The following GTF2F2 variants were observed in gnomAD, a reference collection of about 807,000 sequenced individuals.
The protein encoded by GTF2F2 is ATP-dependent helicase GTF2F2.
GTF2F2 carries 23 observed loss-of-function variants against 42.2 expected under a neutral mutation model. That is an observed-to-expected ratio of 0.55 (90% CI 0.39 to 0.77). The LOEUF (loss-of-function observed/expected upper bound fraction) is 0.77, where lower values mean the gene tolerates loss of function less well. Among genes scored for constraint, GTF2F2 ranks in the 30% least tolerant of loss-of-function variants. The pLI is 0.00. For missense variants in GTF2F2, 261 were observed against 287.2 expected (o/e 0.91, Z 0.66); for synonymous variants, 105 against 100.8 (o/e 1.04, Z -0.25).
intron 5 of GTF2F2, among the ~76,000 whole-genome samples, chr13:45,236,572 C>A (rs1875001887): frequency 6.6e-6 from 1 of 150,478 alleles, no homozygotes; most frequent in Non-Finnish European, 1.5e-5. Flanking sequence ...GTATAAAAAT[C>A]TAATCTTTTG....
intron 6 of GTF2F2, chr13:45,263,997 C>G (rs970210489): frequency 6.6e-6 from 1 of 152,392 alleles, no homozygotes; most frequent in Non-Finnish European, 1.5e-5. Flanking sequence ...CTATGAAACA[C>G]GAATATCTAG....
intron 6 of GTF2F2, among the ~76,000 whole-genome samples, chr13:45,254,904 C>T (rs1427748063): frequency 2.6e-5 from 4 of 152,042 alleles, no homozygotes; most frequent in African/African-American, 4.8e-5. Flanking sequence ...CGGTGGCTCA[C>T]GCCTGTAATC....
chr13:45,132,151 T>C (rs1869389814), intron 1 of GTF2F2, among the ~76,000 whole-genome samples: 1 of 152,220 alleles, frequency 6.6e-6, no homozygotes, highest in Non-Finnish European at 1.5e-5. Flanking sequence ...TATTGGTATA[T>C]AACCTATTAC....
At chr13:45,184,161 C>T (rs73181597) in intron 4 of GTF2F2, among the ~76,000 whole-genome samples, 6 of 152,206 alleles carry the variant, frequency 3.9e-5, no homozygotes, top group Non-Finnish European at 5.9e-5. Context: ...GGCTCATTCA[C>T]ATACTTTCCC....
At chr13:45,283,007 C>T (rs2138282955) in intron 7 of GTF2F2, among the ~76,000 whole-genome samples, 1 of 152,186 alleles carries the variant, frequency 6.6e-6, no homozygotes, top group South Asian at 2.1e-4. Flanking sequence ...AAAAATGTTG[C>T]TCATTTTTTT....
chr13:45,180,366 G>C (rs186747544), intron 4 of GTF2F2, among the ~76,000 whole-genome samples: 51 of 152,140 alleles, frequency 3.4e-4, no homozygotes, highest in African/African-American at 1.1e-3. Flanking sequence ...TAGAATTTTA[G>C]TCTATACTAT....
At chr13:45,174,636 T>TTTC (rs201857288) in intron 4 of GTF2F2, among the ~76,000 whole-genome samples, 21,326 of 135,508 alleles carry the variant, frequency 0.16, 1,378 homozygotes, top group Non-Finnish European at 0.21. Flanking sequence ...TCTTTTTTCT[T>TTTC]TTTTTTTTTT....
In GTF2F2 at chr13:45,132,982, G is replaced by A. The variant is rs553120631; in HGVS notation, c.67-3751G>A. 6.6e-5 allele frequency among the ~76,000 whole-genome samples: 10 copies of A among 152,264 alleles called. No individual in the cohort carries two copies. The South Asian group carries it at 1.0e-3, about 16-fold the overall frequency. ...TGTATTTAATGTGAGACCAGCTAGCGTGATCGAGAGCTTTCCTTCAGCTGC... is the reference window on the plus strand; with the variant it reads ...TGTATTTAATGTGAGACCAGCTAGCATGATCGAGAGCTTTCCTTCAGCTGC... On this transcript the variant is annotated intron_variant, in intron 1 of 7. Transcript: ENST00000340473.
chr13:45,199,552 T>C (rs1873073753), intron 4 of GTF2F2, among the ~76,000 whole-genome samples: 1 of 152,206 alleles, frequency 6.6e-6, no homozygotes, highest in African/African-American at 2.4e-5. Flanking sequence ...TGCGTTATTA[T>C]TTACTGGAAA....
intron 4 of GTF2F2, chr13:45,194,477 T>G: frequency 6.2e-7 from 1 of 1,614,202 alleles, no homozygotes; most frequent in Non-Finnish European, 8.5e-7. Flanking sequence ...AGTGTGGATT[T>G]GCAGTTCTTT....
At chr13:45,253,051 C>T in intron 6 of GTF2F2, 81 bp downstream of exon 6, 1 of 596,846 alleles carries the variant, frequency 1.7e-6, no homozygotes, top group Non-Finnish European at 2.8e-6. Flanking sequence ...TTCCAAAGAA[C>T]CTGAGAATTT....
At chr13:45,219,025 G>GT (rs1388567611) in intron 5 of GTF2F2, among the ~76,000 whole-genome samples, 1 of 151,502 alleles carries the variant, frequency 6.6e-6, no homozygotes, top group Non-Finnish European at 1.5e-5. Context: ...GGGTTTTTTT[G>GT]TTTTGTTTTG....
intron 5 of GTF2F2, among the ~76,000 whole-genome samples, chr13:45,239,319 A>T (rs879525493): frequency 6.6e-6 from 1 of 152,236 alleles, no homozygotes; most frequent in Non-Finnish European, 1.5e-5. Context: ...AAGTTAAGAT[A>T]TTTATATTTT....
At chr13:45,207,005 A>AACACACAC (rs10547539) in intron 4 of GTF2F2, 7,432 of 139,202 alleles carry the variant, frequency 0.053, 236 homozygotes, top group African/African-American at 0.078. Flanking sequence ...CACATACACA[A>AACACACAC]ACACACACAC....
intron 5 of GTF2F2, among the ~76,000 whole-genome samples, chr13:45,217,282 A>G (rs563203395): frequency 7.2e-6 from 1 of 139,840 alleles, no homozygotes; most frequent in South Asian, 2.3e-4. Flanking sequence ...TAGGTGACAG[A>G]GCGAGACTCC....
chr13:45,149,906 T>A, intron 3 of GTF2F2, 118 bp downstream of exon 3: 1 of 928,968 alleles, frequency 1.1e-6, no homozygotes, highest in Non-Finnish European at 1.5e-6. Flanking sequence ...GGCTGATGGT[T>A]AAGAACACAT....
intron 6 of GTF2F2, among the ~76,000 whole-genome samples, chr13:45,256,897 T>G (rs944362266): frequency 4.6e-5 from 7 of 152,162 alleles, no homozygotes; most frequent in African/African-American, 1.7e-4. Flanking sequence ...CAGTTGAGCT[T>G]CTTTGAATGC....
At chr13:45,212,463 C>CTTTTCTTTTCTTTTCTTTTCTTT (rs376424917) in intron 5 of GTF2F2, among the ~76,000 whole-genome samples, 10 of 27,486 alleles carry the variant, frequency 3.6e-4, no homozygotes, top group Non-Finnish European at 6.1e-4. Context: ...TTCTTTCTTT[C>CTTTTCTTTTCTTTTCTTTTCTTT]TTTCTTTCTT....
At chr13:45,138,564 GGAA>G (rs1483311541) in intron 2 of GTF2F2, among the ~76,000 whole-genome samples, 1 of 152,150 alleles carries the variant, frequency 6.6e-6, no homozygotes, top group Non-Finnish European at 1.5e-5. Context: ...CTAGCTTTGT[GGAA>G]GAAGCTGCTG....
Sources: gnomAD v4.1 joint callset for allele counts (sites outside exome capture counted in the v4.1 genomes callset) on GRCh38, gnomAD v4.1.1 for gene constraint, MANE v1.5 for transcripts, NCBI Gene and HGNC (gene_info 2026-07-23, HGNC 2026-07-21) for gene names.